ST18: variants seen among roughly 807,000 people sequenced by gnomAD.
The protein encoded by ST18 is suppression of tumorigenicity 18 protein.
ST18 carries 50 observed loss-of-function variants against 110.0 expected under a neutral mutation model. The observed-to-expected ratio is 0.45, with a 90% CI of 0.36 to 0.58. The LOEUF (loss-of-function observed/expected upper bound fraction) is 0.58, where lower values mean the gene tolerates loss of function less well. Ranked by LOEUF, ST18 falls within the 20% of genes least tolerant of loss-of-function variation. The pLI is 0.00. For synonymous variants in ST18, 461 were observed against 452.4 expected, an observed-to-expected ratio of 1.02 and a Z score of -0.24; for missense variants, 1,306 against 1,280.1, an observed-to-expected ratio of 1.02 and a Z score of -0.31.
At chr8:52,334,182 CT>C (rs1296173173) in intron 2 of ST18, among the ~76,000 whole-genome samples, 3 of 152,220 alleles carry the variant, frequency 2.0e-5, no homozygotes, top group African/African-American at 7.2e-5. Context: ...TTCTTCTACA[CT>C]TTAGCCAACA....
intron 2 of ST18, among the ~76,000 whole-genome samples, chr8:52,339,965 T>C (rs760263814): frequency 8.5e-5 from 13 of 152,278 alleles, no homozygotes; most frequent in Non-Finnish European, 1.8e-4. Flanking sequence ...TTCCGTAAGT[T>C]ACATTGCTTT....
At chr8:52,199,854 G>C (rs553853913) in intron 8 of ST18, among the ~76,000 whole-genome samples, 2 of 152,276 alleles carry the variant, frequency 1.3e-5, no homozygotes, top group South Asian at 4.2e-4. Context: ...TGCAAGGAGT[G>C]CCTGCTCTGT....
chr8:52,366,109 G>A (rs970794717), intron 2 of ST18, among the ~76,000 whole-genome samples: 10 of 152,020 alleles, frequency 6.6e-5, no homozygotes, highest in East Asian at 1.9e-4. Context: ...GAATCATTCC[G>A]CTGTGAGGGG....
At chr8:52,197,633 T>C (rs1463088162) in intron 8 of ST18, among the ~76,000 whole-genome samples, 1 of 151,636 alleles carries the variant, frequency 6.6e-6, no homozygotes, top group Non-Finnish European at 1.5e-5. Context: ...ACACTTAGAG[T>C]AGAAATCTGA....
At chr8:52,266,864 G>A (rs2094888648) in intron 2 of ST18, among the ~76,000 whole-genome samples, 1 of 152,140 alleles carries the variant, frequency 6.6e-6, no homozygotes, top group Admixed American at 6.5e-5. Flanking sequence ...AAGTGTTGGT[G>A]GCTTGGGATT....
chr8:52,386,100 A>G (rs1425119839), intron 2 of ST18, among the ~76,000 whole-genome samples: 1 of 152,246 alleles, frequency 6.6e-6, no homozygotes, highest in Non-Finnish European at 1.5e-5. Context: ...CTCCTTCATC[A>G]CAGGAAAACT....
rs1273717276 is a variant in ST18, at chr8:52,349,877, CA to C, written c.-465+59450del. Among the ~76,000 whole-genome samples the C allele has an allele frequency of 5.9e-5, 9 of 151,936 alleles. No homozygotes were observed. In the East Asian group the frequency reaches 1.6e-3, roughly 26 times the overall value. ...AGAGCAAGGAGGGAGAGTAGGGGGT[CA>C]GGGGGAAGGAGGAGGACTGTCTGGA... is the stretch of plus-strand genomic sequence containing the variant. On this transcript the variant is annotated intron_variant, in intron 2 of 25. Transcript: ENST00000689386.
At chr8:52,343,570 G>A (rs1816240272) in intron 2 of ST18, among the ~76,000 whole-genome samples, 1 of 152,144 alleles carries the variant, frequency 6.6e-6, no homozygotes, top group Non-Finnish European at 1.5e-5. Context: ...CTCACACGCA[G>A]TGGAGCCATC....
chr8:52,192,946 T>C (rs1413959599), intron 8 of ST18, among the ~76,000 whole-genome samples: 1 of 152,162 alleles, frequency 6.6e-6, no homozygotes, highest in African/African-American at 2.4e-5. Flanking sequence ...CCCTGGTCAC[T>C]GGAAGTTGTA....
At chr8:52,282,756 G>T (rs991613255) in intron 2 of ST18, among the ~76,000 whole-genome samples, 3 of 151,946 alleles carry the variant, frequency 2.0e-5, no homozygotes, top group African/African-American at 7.2e-5. Flanking sequence ...ATCGGGAAGG[G>T]TGAGGCTCGT....
chr8:52,229,736 C>T (rs550414475), intron 3 of ST18: 1 of 152,284 alleles, frequency 6.6e-6, no homozygotes, highest in Non-Finnish European at 1.5e-5. Context: ...GGTACTTTAT[C>T]CTGTCTACCA....
chr8:52,163,054 T>G (rs903692750), intron 13 of ST18, among the ~76,000 whole-genome samples: 2 of 152,202 alleles, frequency 1.3e-5, no homozygotes, highest in African/African-American at 4.8e-5. Flanking sequence ...TTCAATATTC[T>G]TTCTATATTT....
intron 2 of ST18, among the ~76,000 whole-genome samples, chr8:52,341,301 G>C (rs555738515): frequency 6.6e-6 from 1 of 152,200 alleles, no homozygotes; most frequent in African/African-American, 2.4e-5. Flanking sequence ...AGGATGATAC[G>C]GTTGACTTTG....
intron 2 of ST18, among the ~76,000 whole-genome samples, chr8:52,395,837 C>G (rs1037364548): frequency 6.6e-6 from 1 of 151,998 alleles, no homozygotes; most frequent in African/African-American, 2.4e-5. Context: ...GTGGGATAGG[C>G]CAAAACATAA....
intron 2 of ST18, among the ~76,000 whole-genome samples, chr8:52,355,474 AATAAAG>A (rs1263125646): frequency 6.6e-6 from 1 of 152,224 alleles, no homozygotes; most frequent in African/African-American, 2.4e-5. Flanking sequence ...GGATAATGAT[AATAAAG>A]ATTACTAAAA....
intron 3 of ST18, among the ~76,000 whole-genome samples, chr8:52,226,668 A>T (rs2089555932): frequency 6.6e-6 from 1 of 152,220 alleles, no homozygotes; most frequent in South Asian, 2.1e-4. Flanking sequence ...GTTTTATTAA[A>T]CTAACCACTT....
intron 2 of ST18, among the ~76,000 whole-genome samples, chr8:52,352,841 C>T (rs1307265100): frequency 6.6e-6 from 1 of 152,192 alleles, no homozygotes; most frequent in Non-Finnish European, 1.5e-5. Context: ...ACCTATATAC[C>T]AGGCAGTATG....
Position 52,381,201 on chromosome 8 carries a change from G to A in ST18, c.-465+28127C>T, listed in dbSNP as rs546482492. Among the ~76,000 whole-genome samples, 7 of 152,152 alleles carry A rather than the reference G, an allele frequency of 4.6e-5. No homozygotes were observed. In the East Asian group the frequency reaches 9.7e-4, roughly 21 times the overall value. ...GGAGAGGCATGTCCCAGCTACCTGCGGACTAAAAACCAGTACCTGCCACAT... is the reference window on the plus strand; with the variant it reads ...GGAGAGGCATGTCCCAGCTACCTGCAGACTAAAAACCAGTACCTGCCACAT... On this transcript the variant is annotated intron_variant, in intron 2 of 25. Coordinates refer to ENST00000689386, the MANE Select transcript of ST18 (RefSeq NM_001352837.2).
intron 2 of ST18, among the ~76,000 whole-genome samples, chr8:52,355,330 C>T (rs191437716): frequency 9.7e-4 from 148 of 152,300 alleles, no homozygotes; most frequent in African/African-American, 3.4e-3. Context: ...AACCTACCTC[C>T]GGGGCCTGTG....
Sources: allele counts gnomAD v4.1 joint callset (sites outside exome capture counted in the v4.1 genomes callset), GRCh38; gene constraint gnomAD v4.1.1; transcripts MANE v1.5; gene names NCBI Gene and HGNC (gene_info 2026-07-23, HGNC 2026-07-21).